NSD2: variants seen among roughly 807,000 people sequenced by gnomAD.
NSD2 encodes nuclear receptor binding SET domain protein 2.
Under a neutral mutation model 139.0 loss-of-function variants are expected in NSD2, and 12 were observed. The ratio of observed to expected loss-of-function variants is 0.09; its 90% CI spans 0.06 to 0.14. NSD2 has a LOEUF of 0.14. Ranked by LOEUF, NSD2 falls within the 10% of genes least tolerant of loss-of-function variation. The pLI, the probability that NSD2 is intolerant of heterozygous loss-of-function variation, is 1.00. For missense variants in NSD2, 1,155 were observed against 1,745.0 expected, an observed-to-expected ratio of 0.66 and a Z score of 6.02; for synonymous variants, 669 against 648.7, an observed-to-expected ratio of 1.03 and a Z score of -0.48.
At position 1,952,218 on chromosome 4, in the gene NSD2, C is replaced by A. The variant is rs532704104; in HGVS notation, c.2124C>A (p.Ser708Arg). The change falls in exon 11 of 22, where the codon AGC becomes AGA. Residue 708 changes from serine (S) to arginine (R), a missense_variant. Ser to Arg is a moderately radical substitution (Grantham distance 110). Around this residue, in one of 8 missense-constraint regions of NSD2, gnomAD observed 120 missense variants for 239.3 expected, o/e 0.50. Coordinates refer to ENST00000508803, the MANE Select transcript of NSD2 (RefSeq NM_001042424.3). ...SRRPEGRFTC[S>R]ECASGIHSCF... ...GGCCAGAAGGGAGGTTCACCTGCAGCGAGTGTGCCTCAGGCAAGTTCCCAC... is the reference window on the plus strand; with the variant it reads ...GGCCAGAAGGGAGGTTCACCTGCAGAGAGTGTGCCTCAGGCAAGTTCCCAC... 4 of 1,613,758 alleles carry A rather than the reference C, an allele frequency of 2.5e-6. No individual in the cohort carries two copies. The highest frequency in any genetic ancestry group is 3.4e-6 in the Non-Finnish European group (4 of 1,179,964).
rs1727455599 is a variant in NSD2, at chr4:1,978,973, A to G, written c.*64A>G. On this transcript the variant is annotated 3_prime_UTR_variant, in exon 22 of 22. Coordinates refer to ENST00000508803, the MANE Select transcript of NSD2 (RefSeq NM_001042424.3). ...GGGCGGCCGGCCCTGCCTGCGGGAG[A>G]GGGCGAGCATGAACTGGCCCGGAGG... 2.8e-6 allele frequency: 4 copies of G among 1,440,194 alleles called. No homozygotes were observed. Among genetic ancestry groups the G allele is most frequent in the Non-Finnish European group, 3.7e-6 (4 of 1,095,484 alleles). The allele number at this position is 1,440,194 out of a possible 1,614,324, so 89.2% of individuals were successfully genotyped here.
At chr4:1,921,975 C>T (rs1027036093) in intron 5 of NSD2, among the ~76,000 whole-genome samples, 6 of 151,858 alleles carry the variant, frequency 4.0e-5, no homozygotes, top group African/African-American at 1.5e-4. Flanking sequence ...TGGTGAAATC[C>T]CATCTCTACT....
intron 1 of NSD2, among the ~76,000 whole-genome samples, chr4:1,886,657 C>A (rs955162617): frequency 5.3e-5 from 8 of 151,936 alleles, no homozygotes; most frequent in Admixed American, 2.0e-4. Context: ...TGGTGGAACC[C>A]CGTCTCTACT....
In NSD2 at chr4:1,939,202, A is replaced by T. The variant is rs562991262; in HGVS notation, c.1757-452A>T. On this transcript the variant is annotated intron_variant, in intron 8 of 21. Transcript: ENST00000508803. ...TTTAAAAATCAGTTAAACAGACTTT[A>T]AAAAAAAAAAAAGACATGAGCAATT... 438 of 141,536 alleles carry T rather than the reference A, an allele frequency of 3.1e-3. 2 individuals are homozygous for T. Among genetic ancestry groups the T allele is most frequent in the Admixed American group, 3.9e-3 (56 of 14,274 alleles). 8.8% of individuals were successfully genotyped at this position (141,536 alleles called of 1,614,324 possible). A position where few individuals can be genotyped will look rare whatever the true frequency, so the allele number is the denominator to read the frequency against.
intron 4 of NSD2, 86 bp downstream of exon 4, chr4:1,917,123 C>G: frequency 7.9e-7 from 1 of 1,272,738 alleles, no homozygotes; most frequent in Non-Finnish European, 1.1e-6. Context: ...TGAACTTATA[C>G]TTGCTCGAAA....
intron 21 of NSD2, among the ~76,000 whole-genome samples, chr4:1,977,190 G>A (rs1043802023): frequency 1.3e-5 from 2 of 152,248 alleles, no homozygotes; most frequent in African/African-American, 2.4e-5. Flanking sequence ...GCCGGTTGAC[G>A]AAGGAGCTGC....
intron 15 of NSD2, among the ~76,000 whole-genome samples, chr4:1,957,283 T>C (rs1297334526): frequency 3.3e-5 from 5 of 150,814 alleles, no homozygotes; most frequent in Admixed American, 2.0e-4. Flanking sequence ...TGTTTTTTTG[T>C]TTTTGTTTTT....
chr4:1,948,574 G>A lies in NSD2; in HGVS notation c.1882-2498G>A, dbSNP rs549788616. The A allele has an allele frequency of 5.5e-5, 59 of 1,063,818 alleles. No individual in the cohort carries two copies. Among genetic ancestry groups the A allele is most frequent in the East Asian group, 4.6e-4 (9 of 19,724 alleles). The allele number at this position is 1,063,818 out of a possible 1,614,324, so 65.9% of individuals were successfully genotyped here. A position where few individuals can be genotyped will look rare whatever the true frequency, so the allele number is the denominator to read the frequency against. ...GGAGGGGGTGTGGTGGGAAAAAGTC[G>A]GAATCTCTGCAATCTGTGTCATGGA... On this transcript the variant is annotated intron_variant, in intron 9 of 21. Transcript: ENST00000508803. The surrounding 1 kb of genome is among the most constrained non-coding windows in gnomAD (Gnocchi z 4.5).
At chr4:1,902,616 T>C (rs1717331974) in intron 2 of NSD2, among the ~76,000 whole-genome samples, 1 of 152,150 alleles carries the variant, frequency 6.6e-6, no homozygotes, top group Non-Finnish European at 1.5e-5. Context: ...CCTAGCTGTT[T>C]TGTTTTGAGA....
chr4:1,883,018 T>C (rs1714816172), intron 1 of NSD2, among the ~76,000 whole-genome samples: 1 of 152,002 alleles, frequency 6.6e-6, no homozygotes, highest in South Asian at 2.1e-4. Context: ...ATTGTGGGTG[T>C]GGAGAAAAGT....
chr4:1,906,386 G>A (rs1427350842), intron 3 of NSD2, among the ~76,000 whole-genome samples: 1 of 151,804 alleles, frequency 6.6e-6, no homozygotes, highest in African/African-American at 2.4e-5. Context: ...CTACAGGTGC[G>A]TGCCACCACA....
chr4:1,887,774 T>C (rs1472349025), intron 1 of NSD2: 1 of 152,220 alleles, frequency 6.6e-6, no homozygotes, highest in Non-Finnish European at 1.5e-5. Flanking sequence ...TATGACTTTG[T>C]TTTCCTGGTG....
chr4:1,929,427 A>ACCCTT lies in NSD2; in HGVS notation c.1411-1198_1411-1197insCCTTC, dbSNP rs1721364556. Among the ~76,000 whole-genome samples, 3 of 152,124 alleles carry ACCCTT rather than the reference A, an allele frequency of 2.0e-5. No individual in the cohort carries two copies. In the South Asian group the frequency reaches 6.2e-4, roughly 32 times the overall value. ...CCCGTTTCACAGAGTGGAGGCAGAG[A>ACCCTT]CAGTGCCTTCACTTGCCGAAGTCCA... On this transcript the variant is annotated intron_variant, in intron 5 of 21. Coordinates refer to ENST00000508803, the MANE Select transcript of NSD2 (RefSeq NM_001042424.3).
chr4:1,978,137 G>A (rs889051184), intron 21 of NSD2, among the ~76,000 whole-genome samples: 6 of 151,328 alleles, frequency 4.0e-5, no homozygotes, highest in Non-Finnish European at 8.8e-5. Context: ...AAAAAAAAAA[G>A]AATTCAGATA....
chr4:1,947,041 T>C (rs1411472653), intron 9 of NSD2: 6 of 1,063,804 alleles, frequency 5.6e-6, no homozygotes, highest in African/African-American at 1.6e-5. Flanking sequence ...CTGGTCCGGC[T>C]GATGGGGGTT....
At position 1,931,484 on chromosome 4, in the gene NSD2, A is replaced by G. The variant is rs182524384; in HGVS notation, c.1555+714A>G. Among the ~76,000 whole-genome samples the G allele has an allele frequency of 2.6e-5, 4 of 152,332 alleles. No individual in the cohort carries two copies. The East Asian group carries it at 7.7e-4, about 29-fold the overall frequency. ...TAAATTGTGGAAAACTGAGATTTGA[A>G]TGTAAAAATAACTGACATATTAGGG... On this transcript the variant is annotated intron_variant, in intron 6 of 21. Transcript: ENST00000508803.
chr4:1,951,641 C>A (rs1378694316), intron 10 of NSD2, among the ~76,000 whole-genome samples: 1 of 152,216 alleles, frequency 6.6e-6, no homozygotes, highest in Non-Finnish European at 1.5e-5. Context: ...TGTGTGCCCA[C>A]AGGACCCCAG....
chr4:1,979,909 G>C lies in NSD2; in HGVS notation c.*1000G>C, dbSNP rs1331153254. The C allele has an allele frequency of 8.6e-6, 2 of 232,688 alleles. No homozygotes were observed. Among genetic ancestry groups the C allele is most frequent in the Non-Finnish European group, 1.7e-5 (2 of 117,708 alleles). 14.4% of individuals were successfully genotyped at this position (232,688 alleles called of 1,614,324 possible). On this transcript the variant is annotated 3_prime_UTR_variant, in exon 22 of 22. Transcript: ENST00000508803. ...TTAGAGCACAGGAAGTGACAACTTA[G>C]GGAGCCCCGTAGGGCGCTGCAGGCC... is the stretch of plus-strand genomic sequence containing the variant.
At chr4:1,963,869 G>A (rs745850455) in intron 18 of NSD2, among the ~76,000 whole-genome samples, 2 of 152,150 alleles carry the variant, frequency 1.3e-5, no homozygotes, top group East Asian at 1.9e-4. Flanking sequence ...AAAATTAGCC[G>A]TGCCTGTGAT....
Sources: allele counts gnomAD v4.1 joint callset (sites outside exome capture counted in the v4.1 genomes callset), GRCh38; gene constraint gnomAD v4.1.1; regional missense constraint gnomAD v4.1.1; non-coding constraint Gnocchi (gnomAD v3.1); transcripts MANE v1.5; gene names NCBI Gene and HGNC (gene_info 2026-07-23, HGNC 2026-07-21).